The following GAS2 variants were observed in gnomAD, a reference collection of about 807,000 sequenced individuals.
GAS2 encodes growth arrest specific 2, also known as growth arrest-specific protein 2.
In GAS2, 20 loss-of-function variants were observed where a neutral mutation model predicts 37.5. That is an observed-to-expected ratio of 0.53 (90% confidence interval 0.37 to 0.77). The LOEUF (loss-of-function observed/expected upper bound fraction) is 0.77, where lower values mean the gene tolerates loss of function less well. Ranked by LOEUF, GAS2 falls within the 30% of genes least tolerant of loss-of-function variation. GAS2 has a pLI of 0.00. For missense variants in GAS2, 336 were observed against 373.4 expected (o/e 0.90, Z 0.82); for synonymous variants, 144 against 132.2 (o/e 1.09, Z -0.61).
At chr11:22,636,178 T>C (rs1206098909) in intron 1 of GAS2, among the ~76,000 whole-genome samples, 1 of 152,188 alleles carries the variant, frequency 6.6e-6, no homozygotes, top group Non-Finnish European at 1.5e-5. Context: ...GTTCACAGCA[T>C]GAATCTCTAC....
At chr11:22,661,536 A>T (rs984308538) in intron 1 of GAS2, among the ~76,000 whole-genome samples, 1 of 152,204 alleles carries the variant, frequency 6.6e-6, no homozygotes, top group Non-Finnish European at 1.5e-5. Flanking sequence ...AGCACTGGAC[A>T]TAGAGTCACA....
chr11:22,800,816 C>A (rs190878058), intron 7 of GAS2, among the ~76,000 whole-genome samples: 1 of 152,100 alleles, frequency 6.6e-6, no homozygotes, highest in Admixed American at 6.6e-5. Context: ...ATTTAAAATT[C>A]TCATTGAAAA....
chr11:22,729,082 A>G (rs905571582), intron 4 of GAS2, among the ~76,000 whole-genome samples: 2 of 151,588 alleles, frequency 1.3e-5, no homozygotes, highest in African/African-American at 4.8e-5. Context: ...CAGAAGATGA[A>G]GCACATCCTT....
intron 4 of GAS2, among the ~76,000 whole-genome samples, chr11:22,728,346 C>T (rs992549164): frequency 1.3e-5 from 2 of 151,644 alleles, no homozygotes; most frequent in African/African-American, 4.8e-5. Context: ...TTTAAAAGCC[C>T]CATCCAAATA....
chr11:22,681,869 T>C (rs1849698280), intron 2 of GAS2, among the ~76,000 whole-genome samples: 1 of 152,072 alleles, frequency 6.6e-6, no homozygotes, highest in South Asian at 2.1e-4. Flanking sequence ...AATATTAATA[T>C]TAATGTAATA....
At chr11:22,789,638 A>AT (rs575999250) in intron 7 of GAS2, among the ~76,000 whole-genome samples, 7,804 of 146,420 alleles carry the variant, frequency 0.053, 643 homozygotes, top group African/African-American at 0.18. Flanking sequence ...GTTTTTTTGT[A>AT]TTTTTTTTAG....
chr11:22,671,638 G>T (rs1849204227), intron 1 of GAS2, among the ~76,000 whole-genome samples: 1 of 152,078 alleles, frequency 6.6e-6, no homozygotes, highest in South Asian at 2.1e-4. Context: ...GAATTCAAGA[G>T]AACTGAAATG....
intron 7 of GAS2, among the ~76,000 whole-genome samples, chr11:22,778,948 A>G (rs1329668122): frequency 3.9e-5 from 6 of 152,102 alleles, no homozygotes; most frequent in African/African-American, 1.4e-4. Flanking sequence ...GAGGGGAACA[A>G]GAAGTGTTCT....
rs367999462 is a variant in GAS2 at position 22,631,825 on chromosome 11, G to C, written c.-21+6012G>C. ...CTGGCTTTGGTTTCAGGGTGATACTGTCTTCATATGATATAGGGAGGATTC... is the reference window on the plus strand; with the variant it reads ...CTGGCTTTGGTTTCAGGGTGATACTCTCTTCATATGATATAGGGAGGATTC... On this transcript the variant is annotated intron_variant, in intron 1 of 5. Transcript: ENST00000528582. Among the ~76,000 whole-genome samples, 225 of 151,670 alleles carry C rather than the reference G, an allele frequency of 1.5e-3. 1 individual carries two copies. The highest frequency in any genetic ancestry group is 5.2e-3 in the African/African-American group (216 of 41,342).
rs758209512 is a variant in GAS2, at chr11:22,755,941, C to T, written c.711C>T (p.Ile237=). The part of the protein sequence containing the change: ...SQGRYRVGEK[I]LFIRMLHNKH... ...GAAGATACCGAGTGGGAGAAAAGATCCTCTTCATTAGGGTAAAGTTTTACT... is the reference window on the plus strand; with the variant it reads ...GAAGATACCGAGTGGGAGAAAAGATTCTCTTCATTAGGGTAAAGTTTTACT... The change falls in exon 7 of 8, where the codon ATC becomes ATT. Residue 237 remains isoleucine, a synonymous_variant. Coordinates refer to ENST00000454584, the MANE Select transcript of GAS2 (RefSeq NM_001143830.3). 1.2e-6 allele frequency: 2 copies of T among 1,607,888 alleles called. No homozygotes were observed. The highest frequency in any genetic ancestry group is 2.2e-5 in the South Asian group (2 of 90,742).
chr11:22,670,309 T>A (rs1194990985), intron 1 of GAS2, among the ~76,000 whole-genome samples: 1 of 145,772 alleles, frequency 6.9e-6, no homozygotes, highest in Non-Finnish European at 1.5e-5. Flanking sequence ...TCTGTGTGTG[T>A]AGATGGGGTG....
intron 7 of GAS2, 96 bp downstream of exon 7, chr11:22,756,049 G>A: frequency 1.3e-6 from 1 of 791,854 alleles, no homozygotes; most frequent in African/African-American, 1.7e-5. Flanking sequence ...CTTCCATATG[G>A]TGCTTACGTT....
chr11:22,784,492 C>G (rs1046065541), intron 7 of GAS2, among the ~76,000 whole-genome samples: 4 of 152,134 alleles, frequency 2.6e-5, no homozygotes, highest in African/African-American at 4.8e-5. Flanking sequence ...TTCTGTGACT[C>G]TAAATTTCAT....
chr11:22,626,092 T>A, intron 1 of GAS2: 1 of 510,842 alleles, frequency 2.0e-6, no homozygotes, highest in Non-Finnish European at 3.6e-6. Context: ...ATGCCAGTCA[T>A]GAACGTCTCC....
intron 6 of GAS2, among the ~76,000 whole-genome samples, chr11:22,752,179 T>C (rs947644052): frequency 6.6e-6 from 1 of 152,044 alleles, no homozygotes; most frequent in African/African-American, 2.4e-5. Flanking sequence ...GTAGTCCTCA[T>C]GCAGAGTCTG....
intron 3 of GAS2, among the ~76,000 whole-genome samples, chr11:22,711,889 C>G (rs1487225126): frequency 6.6e-6 from 1 of 152,180 alleles, no homozygotes; most frequent in African/African-American, 2.4e-5. Context: ...CCACCTAACC[C>G]TGCCCCTACC....
upstream of GAS2, among the ~76,000 whole-genome samples, chr11:22,663,197 C>T (rs963427034): frequency 3.1e-4 from 47 of 152,058 alleles, 1 homozygote; most frequent in Admixed American, 2.1e-3. Context: ...AAACGGACCC[C>T]ATGATCCAGT....
At chr11:22,776,218 T>C (rs7102255) in intron 7 of GAS2, among the ~76,000 whole-genome samples, 145,626 of 152,248 alleles carry the variant, frequency 0.96, 69,952 homozygotes, top group East Asian at 1. Context: ...GGAATAAATA[T>C]AAAGACCAAG....
chr11:22,756,376 G>A (rs115237735), intron 7 of GAS2, among the ~76,000 whole-genome samples: 1,663 of 152,174 alleles, frequency 0.011, 37 homozygotes, highest in African/African-American at 0.038. Context: ...GTAATTTGCT[G>A]CTTTATGGTT....
Sources: gnomAD v4.1 joint callset for allele counts (sites outside exome capture counted in the v4.1 genomes callset) on GRCh38, gnomAD v4.1.1 for gene constraint, MANE v1.5 for transcripts, NCBI Gene and HGNC (gene_info 2026-07-23, HGNC 2026-07-21) for gene names.